The following CYP3A4 variants were observed in gnomAD, a reference collection of about 807,000 sequenced individuals.
CYP3A4 encodes the protein cytochrome P450 family 3 subfamily A member 4.
A neutral mutation model predicts 54.9 loss-of-function variants in CYP3A4; 41 were observed. The ratio of observed to expected loss-of-function variants is 0.75; its 90% CI spans 0.58 to 0.97. The LOEUF (loss-of-function observed/expected upper bound fraction) is 0.97. Among genes scored for constraint, CYP3A4 ranks in the 50% least tolerant of loss-of-function variants. The pLI is 0.00. For missense variants in CYP3A4, 510 were observed against 597.3 expected (o/e 0.85, Z 1.52); for synonymous variants, 179 against 205.2 (o/e 0.87, Z 1.09).
chr7:99,761,192 A>G (rs1815316738), intron 11 of CYP3A4, among the ~76,000 whole-genome samples: 1 of 152,170 alleles, frequency 6.6e-6, no homozygotes, highest in South Asian at 2.1e-4. Context: ...AGGAGCTTTC[A>G]GTCTTGTTGA....
chr7:99,782,871 C>T (rs1428920445), intron 1 of CYP3A4, among the ~76,000 whole-genome samples: 8 of 152,098 alleles, frequency 5.3e-5, no homozygotes, highest in Admixed American at 3.3e-4. Flanking sequence ...TAGAGTTATA[C>T]ATTTGTGCAT....
chr7:99,763,427 A>G (rs1460941986), intron 10 of CYP3A4, among the ~76,000 whole-genome samples: 3 of 152,240 alleles, frequency 2.0e-5, no homozygotes, highest in Admixed American at 6.5e-5. Context: ...GTAACCAAGA[A>G]AATAAAAAGA....
At chr7:99,767,405 GC>G in intron 7 of CYP3A4, 147 bp from the exon 8 acceptor site, 1 of 735,382 alleles carries the variant, frequency 1.4e-6, no homozygotes, top group Non-Finnish European at 2.1e-6. Flanking sequence ...TATGACTTTT[GC>G]CCCTCTTTCA....
chr7:99,766,964 C>G, intron 8 of CYP3A4, 167 bp downstream of exon 8: 2 of 578,822 alleles, frequency 3.5e-6, no homozygotes, highest in South Asian at 5.1e-5. Flanking sequence ...TCCCCAAACC[C>G]CACTTTCTGC....
chr7:99,764,604 A>G (rs1815429016), intron 9 of CYP3A4, among the ~76,000 whole-genome samples: 1 of 152,210 alleles, frequency 6.6e-6, no homozygotes, highest in African/African-American at 2.4e-5. Flanking sequence ...CTCATTAGAA[A>G]TGCAAAATCT....
intron 12 of CYP3A4, 110 bp from the exon 13 acceptor site, chr7:99,758,338 GATATTC>G: frequency 1.6e-6 from 2 of 1,281,816 alleles, no homozygotes; most frequent in Non-Finnish European, 2.2e-6. Context: ...ACAACAGAGT[GATATTC>G]TGATCTCTAT....
At chr7:99,770,364 A>G in intron 4 of CYP3A4, 129 bp from the exon 5 acceptor site, 3 of 607,396 alleles carry the variant, frequency 4.9e-6, no homozygotes, top group Non-Finnish European at 7.8e-6. Context: ...GATGGGCCCT[A>G]TGCTAGATGC....
rs1035690349 is a variant in CYP3A4, at chr7:99,756,993, G to GTT, written c.*1138_*1139dup. 7.9e-5 allele frequency: 12 copies of GTT among 152,158 alleles called. No homozygotes were observed. Among genetic ancestry groups the GTT allele is most frequent in the Non-Finnish European group, 1.3e-4 (9 of 68,030 alleles). 9.4% of individuals were successfully genotyped at this position (152,158 alleles called of 1,614,324 possible). ...TGCTCAATCAATTGACCAATCGACT[G>GTT]TTTTTTATTAAGTGTTCATTGCATC... On this transcript the variant is annotated 3_prime_UTR_variant, in exon 13 of 13. Coordinates refer to ENST00000651514, the MANE Select transcript of CYP3A4 (RefSeq NM_017460.6).
chr7:99,772,506 T>G, intron 4 of CYP3A4, 84 bp downstream of exon 4: 1 of 1,561,106 alleles, frequency 6.4e-7, no homozygotes, highest in Non-Finnish European at 8.7e-7. Context: ...GGACATTTTT[T>G]AGGCAACTGT....
Position 99,779,992 on chromosome 7 carries a change from C to A in CYP3A4, c.165G>T (p.Lys55Asn). Residue 55 changes from lysine to asparagine, a missense_variant and splice_region_variant, in exon 2 of 13, where the codon AAG becomes AAT. This residue lies in a region of CYP3A4 where 272 missense variants were observed against 274.9 expected (regional missense o/e 0.99). Coordinates refer to ENST00000651514, the MANE Select transcript of CYP3A4 (RefSeq NM_017460.6). ...PFLGNILSYH[K>N]GFCMFDMECH... ...AAAGAGTGAGCTCAAAAACACTCAC[C>A]TTATGGTAGGACAAAATATTTCCCA... 6.2e-7 allele frequency: 1 copy of A among 1,612,302 alleles called. No homozygotes were observed. The highest frequency in any genetic ancestry group is 8.5e-7 in the Non-Finnish European group (1 of 1,178,562).
intron 11 of CYP3A4, 125 bp downstream of exon 11, chr7:99,761,916 T>A (rs1815343270): frequency 1.1e-6 from 1 of 918,232 alleles, no homozygotes; most frequent in Admixed American, 2.5e-5. Context: ...ATTAAAAAAA[T>A]CTCTAAATAT....
chr7:99,770,601 AC>A (rs1340496575), intron 4 of CYP3A4, among the ~76,000 whole-genome samples: 3 of 152,180 alleles, frequency 2.0e-5, no homozygotes, highest in Non-Finnish European at 4.4e-5. Flanking sequence ...GTGGAGACAG[AC>A]AAGCAGGTGA....
intron 12 of CYP3A4, among the ~76,000 whole-genome samples, chr7:99,760,191 C>T (rs1563038455): frequency 1.3e-5 from 2 of 152,164 alleles, no homozygotes; most frequent in Non-Finnish European, 2.9e-5. Flanking sequence ...CTGGATGGAG[C>T]TAGGCACCTG....
intron 9 of CYP3A4, among the ~76,000 whole-genome samples, chr7:99,764,842 A>G (rs1183690826): frequency 6.6e-6 from 1 of 152,234 alleles, no homozygotes; most frequent in Non-Finnish European, 1.5e-5. Context: ...TGGCATTAAA[A>G]TAGCATAAGC....
At chr7:99,760,686 G>C (rs1426855644) in intron 12 of CYP3A4, 133 bp downstream of exon 12, 19 of 1,195,882 alleles carry the variant, frequency 1.6e-5, no homozygotes, top group Non-Finnish European at 4.7e-6. Context: ...GATCACAGAT[G>C]GGCCTAATTG....
rs557652278 is a variant in CYP3A4 at position 99,763,219 on chromosome 7, A to T, written c.1026+636T>A. On this transcript the variant is annotated intron_variant, in intron 10 of 12. Coordinates refer to ENST00000651514, the MANE Select transcript of CYP3A4 (RefSeq NM_017460.6). ...CAATATCAGCAGAGCTCACTATCCA[A>T]CTATGATGTGTGGAGGAGTTATGAA... is the stretch of plus-strand genomic sequence containing the variant. Among the ~76,000 whole-genome samples the T allele has an allele frequency of 6.6e-5, 10 of 152,238 alleles. No individual in the cohort carries two copies. The South Asian group carries it at 2.1e-3, about 32-fold the overall frequency.
chr7:99,762,850 A>G (rs1029672707), intron 10 of CYP3A4, among the ~76,000 whole-genome samples: 2 of 152,180 alleles, frequency 1.3e-5, no homozygotes, highest in African/African-American at 4.8e-5. Context: ...TCAGGGCTGG[A>G]CTGTAATCTC....
intron 11 of CYP3A4, among the ~76,000 whole-genome samples, chr7:99,761,474 T>C (rs1363732557): frequency 9.2e-5 from 14 of 152,036 alleles, no homozygotes; most frequent in Middle Eastern, 3.4e-3. Context: ...CCTTGTCTTC[T>C]CCCTCCTTCT....
rs1282130421 is a variant in CYP3A4 at position 99,757,008 on chromosome 7, T to C, written c.*1125A>G. The stretch of plus-strand genomic sequence containing the variant: ...CCAATCGACTGTTTTTTATTAAGTG[T>C]TCATTGCATCGAGACAGTTGGGTGT... On this transcript the variant is annotated 3_prime_UTR_variant, in exon 13 of 13. Transcript: ENST00000651514. The C allele has an allele frequency of 6.6e-6, 1 of 152,176 alleles. No homozygotes were observed. Among genetic ancestry groups the C allele is most frequent in the East Asian group, 1.9e-4 (1 of 5,198 alleles). The allele number at this position is 152,176 out of a possible 1,614,324, so 9.4% of individuals were successfully genotyped here.
Sources: allele counts gnomAD v4.1 joint callset (sites outside exome capture counted in the v4.1 genomes callset), GRCh38; gene constraint gnomAD v4.1.1; regional missense constraint gnomAD v4.1.1; transcripts MANE v1.5; gene names NCBI Gene and HGNC (gene_info 2026-07-23, HGNC 2026-07-21).